Variants in FNIP2 observed in about 807,000 individuals in gnomAD.
FNIP2 encodes the protein folliculin interacting protein 2.
FNIP2 carries 32 observed loss-of-function variants against 108.7 expected under a neutral mutation model. That is an observed-to-expected ratio of 0.29 (90% CI 0.22 to 0.40). FNIP2 has a LOEUF of 0.40. FNIP2 is among the 10% of genes least tolerant of loss of function. FNIP2 has a pLI of 1.00. For missense variants in FNIP2, 1,202 were observed against 1,381.6 expected (o/e 0.87, Z 2.06); for synonymous variants, 480 against 496.7 (o/e 0.97, Z 0.45).
rs538917646 is a variant in FNIP2 at position 158,872,437 on chromosome 4, G to A, written c.2949+1968G>A. ...TCATTTTCCCTTCCTTTTAGAAGGAGTGTTTTCACACTGTAGCTTTTCTCA... is the reference window on the plus strand; with the variant it reads ...TCATTTTCCCTTCCTTTTAGAAGGAATGTTTTCACACTGTAGCTTTTCTCA... On this transcript the variant is annotated intron_variant, in intron 14 of 16. Coordinates refer to ENST00000264433, the MANE Select transcript of FNIP2 (RefSeq NM_020840.3). 5 of 985,344 alleles carry A rather than the reference G, an allele frequency of 5.1e-6. No individual in the cohort carries two copies. The African/African-American group carries it at 5.2e-5, about 10-fold the overall frequency. 61.0% of individuals were successfully genotyped at this position (985,344 alleles called of 1,614,324 possible).
chr4:158,832,284 T>C, intron 5 of FNIP2, 146 bp downstream of exon 5: 1 of 610,808 alleles, frequency 1.6e-6, no homozygotes, highest in Non-Finnish European at 2.8e-6. Flanking sequence ...GTGGCTACTG[T>C]CCTATAAACA....
At chr4:158,806,101 T>C (rs986815980) in intron 1 of FNIP2, 7 of 1,079,182 alleles carry the variant, frequency 6.5e-6, no homozygotes, top group Non-Finnish European at 7.9e-6. Context: ...GTAGCTTTTC[T>C]CACATACTGT....
chr4:158,812,828 G>T (rs2126514426), intron 1 of FNIP2, among the ~76,000 whole-genome samples: 1 of 151,074 alleles, frequency 6.6e-6, no homozygotes, highest in South Asian at 2.1e-4. Context: ...ATAATGACAT[G>T]TATCCACTAT....
At chr4:158,858,691 C>T (rs1780121914) in intron 8 of FNIP2, among the ~76,000 whole-genome samples, 1 of 152,138 alleles carries the variant, frequency 6.6e-6, no homozygotes, top group Non-Finnish European at 1.5e-5. Context: ...TAGTATCATT[C>T]CTCTTTTGAT....
intron 15 of FNIP2, among the ~76,000 whole-genome samples, chr4:158,892,248 C>G (rs904321278): frequency 6.6e-6 from 1 of 151,558 alleles, no homozygotes; most frequent in Middle Eastern, 3.2e-3. Context: ...AGTGATCCTC[C>G]CACCTCAGCC....
rs781463067 is a variant in FNIP2 at position 158,769,179 on chromosome 4, C to A, written c.-34C>A. The A allele has an allele frequency of 1.0e-5, 12 of 1,205,046 alleles. No homozygotes were observed. The African/African-American group carries it at 1.6e-4, about 16-fold the overall frequency. The allele number at this position is 1,205,046 out of a possible 1,614,324, so 74.6% of individuals were successfully genotyped here. ...GCTGCGCGCTGAGCCGCCGGCCCCCCGAGCGCCACGGCCGGAGCTGCGGCG... is the reference window on the plus strand; with the variant it reads ...GCTGCGCGCTGAGCCGCCGGCCCCCAGAGCGCCACGGCCGGAGCTGCGGCG... On this transcript the variant is annotated 5_prime_UTR_variant, in exon 1 of 17. Coordinates refer to ENST00000264433, the MANE Select transcript of FNIP2 (RefSeq NM_020840.3).
At chr4:158,885,236 T>C (rs1383290397) in intron 14 of FNIP2, among the ~76,000 whole-genome samples, 2 of 151,960 alleles carry the variant, frequency 1.3e-5, no homozygotes, top group Non-Finnish European at 2.9e-5. Context: ...TGATCCAAAC[T>C]CCTCCTACCT....
intron 7 of FNIP2, among the ~76,000 whole-genome samples, chr4:158,848,706 G>A (rs1274166880): frequency 1.3e-5 from 2 of 152,112 alleles, no homozygotes; most frequent in East Asian, 3.8e-4. Flanking sequence ...GCTGTGTTGA[G>A]GAAACTCAAA....
chr4:158,870,943 G>C (rs951002504), intron 14 of FNIP2, among the ~76,000 whole-genome samples: 7 of 152,266 alleles, frequency 4.6e-5, no homozygotes, highest in Admixed American at 3.3e-4. Context: ...GCTGCTCTGG[G>C]GGTGGTGGGT....
chr4:158,809,721 C>T (rs1469833489), intron 1 of FNIP2, among the ~76,000 whole-genome samples: 3 of 152,068 alleles, frequency 2.0e-5, no homozygotes, highest in Non-Finnish European at 2.9e-5. Context: ...TAAAGTATAC[C>T]CCTTACACAC....
In FNIP2 at chr4:158,869,447, G is replaced by C. The variant is rs1780800295; in HGVS notation, c.2792+19G>C. 6.4e-7 allele frequency: 1 copy of C among 1,560,608 alleles called. No homozygotes were observed. Among genetic ancestry groups the C allele is most frequent in the Admixed American group, 1.9e-5 (1 of 52,768 alleles). ...TGCCAAGGTAACTCCAGCAGGCTGGGAAGTAGAGGGAACTGGGTTCAAATC... is the reference window on the plus strand; with the variant it reads ...TGCCAAGGTAACTCCAGCAGGCTGGCAAGTAGAGGGAACTGGGTTCAAATC... On this transcript the variant is annotated intron_variant, in intron 13 of 16. Transcript: ENST00000264433.
intron 1 of FNIP2, among the ~76,000 whole-genome samples, chr4:158,782,136 G>A (rs1776071411): frequency 6.6e-6 from 1 of 152,060 alleles, no homozygotes; most frequent in African/African-American, 2.4e-5. Flanking sequence ...CAAGTAGCTT[G>A]TCTTTACCAA....
chr4:158,831,761 T>G (rs1163402113), intron 3 of FNIP2, 100 bp from the exon 4 acceptor site: 2 of 753,624 alleles, frequency 2.7e-6, no homozygotes, highest in East Asian at 5.4e-5. Context: ...GAAATAGTTT[T>G]AATCACCGAT....
intron 1 of FNIP2, among the ~76,000 whole-genome samples, chr4:158,773,846 A>G (rs975821345): frequency 1.3e-5 from 2 of 152,234 alleles, no homozygotes; most frequent in Admixed American, 6.5e-5. Flanking sequence ...GGTGTCAGAA[A>G]GATTCTTAGA....
chr4:158,868,726 G>T lies in FNIP2; in HGVS notation c.2090G>T (p.Arg697Leu). 1 of 1,613,994 alleles carries T rather than the reference G, an allele frequency of 6.2e-7. No homozygotes were observed. The highest frequency in any genetic ancestry group is 8.5e-7 in the Non-Finnish European group (1 of 1,179,898). ...KVEMPTRLPD[R>L]SVAWPCPDRH... ...GAGATGCCTACAAGACTGCCAGACC[G>T]GTCAGTGGCCTGGCCTTGCCCTGAC... is the stretch of plus-strand genomic sequence containing the variant. Residue 697 changes from arginine (R) to leucine (L), a missense_variant, in exon 13 of 17, where the codon CGG becomes CTG. Arg to Leu is a moderately radical substitution (Grantham distance 102). Around this residue, in one of 5 missense-constraint regions of FNIP2, gnomAD observed 878 missense variants for 990.3 expected, o/e 0.89. Transcript: ENST00000264433. This position sits in a 1 kb window ranked among gnomAD's most constrained non-coding sequence, Gnocchi z 4.6.
rs1437109816 is a variant in FNIP2 at position 158,868,750 on chromosome 4, A to G, written c.2114A>G (p.Asp705Gly). 6.2e-7 allele frequency: 1 copy of G among 1,613,918 alleles called. No homozygotes were observed. The highest frequency in any genetic ancestry group is 8.5e-7 in the Non-Finnish European group (1 of 1,179,892). Reference sequence around the variant, plus strand: ...CGGTCAGTGGCCTGGCCTTGCCCTGACAGACATCTCCGGGAGAAACCTTCC... The same window carrying G: ...CGGTCAGTGGCCTGGCCTTGCCCTGGCAGACATCTCCGGGAGAAACCTTCC... ...PDRSVAWPCP[D>G]RHLREKPSLE... Residue 705 changes from aspartate to glycine, a missense_variant, in exon 13 of 17, where the codon GAC (aspartate) becomes GGC (glycine). This residue lies in a region of FNIP2 where 878 missense variants were observed against 990.3 expected (regional missense o/e 0.89). Transcript: ENST00000264433. The surrounding 1 kb of genome is among the most constrained non-coding windows in gnomAD (Gnocchi z 4.6).
rs770078534 is a variant in FNIP2, at chr4:158,868,902, G to A, written c.2266G>A (p.Asp756Asn). ...CTCCTTGGAGGCCAGTGAGGCTGCT[G>A]ATGTGGCTCAGGACCCGCAGGTTTC... ...GPSLEASEAA[D>N]VAQDPQVSRS... is the part of the protein sequence containing the mutation. The change falls in exon 13 of 17, where the codon GAT becomes AAT. Residue 756 changes from aspartate (D) to asparagine (N), a missense_variant. Physicochemically the swap from Asp to Asn is conservative, Grantham distance 23 (BLOSUM62 1). Around this residue, in one of 5 missense-constraint regions of FNIP2, gnomAD observed 878 missense variants for 990.3 expected, o/e 0.89. Transcript: ENST00000264433. This position sits in a 1 kb window ranked among gnomAD's most constrained non-coding sequence, Gnocchi z 4.6. 1.9e-6 allele frequency: 3 copies of A among 1,614,006 alleles called. No homozygotes were observed. In the Admixed American group the frequency reaches 5.0e-5, roughly 27 times the overall value.
chr4:158,880,872 C>A (rs548562145), intron 14 of FNIP2, among the ~76,000 whole-genome samples: 2 of 152,202 alleles, frequency 1.3e-5, no homozygotes, highest in South Asian at 4.2e-4. Flanking sequence ...TGGGTCTTCT[C>A]CTCTGAGGAG....
rs543117224 is a variant in FNIP2, at chr4:158,769,197, C to T, written c.-16C>T. The T allele has an allele frequency of 1.4e-5, 19 of 1,361,784 alleles. No individual in the cohort carries two copies. In the East Asian group the frequency reaches 6.4e-4, roughly 46 times the overall value. The allele number at this position is 1,361,784 out of a possible 1,614,324, so 84.4% of individuals were successfully genotyped here. The stretch of plus-strand genomic sequence containing the variant: ...GGCCCCCCGAGCGCCACGGCCGGAG[C>T]TGCGGCGGCGGCATCATGGCCCCGA... On this transcript the variant is annotated 5_prime_UTR_variant, in exon 1 of 17. Transcript: ENST00000264433.
Sources: gnomAD v4.1 joint callset for allele counts (sites outside exome capture counted in the v4.1 genomes callset) on GRCh38, gnomAD v4.1.1 for gene constraint, gnomAD v4.1.1 regional missense constraint, Gnocchi (gnomAD v3.1) non-coding constraint, MANE v1.5 for transcripts, NCBI Gene and HGNC (gene_info 2026-07-23, HGNC 2026-07-21) for gene names.